Variants in PLA2G4E observed in about 807,000 individuals in gnomAD.
PLA2G4E encodes the protein phospholipase A2 group IVE, also known as cytosolic phospholipase A2 epsilon.
A neutral mutation model predicts 109.1 loss-of-function variants in PLA2G4E; 84 were observed. That is an observed-to-expected ratio of 0.77 (90% CI 0.65 to 0.92). The LOEUF (loss-of-function observed/expected upper bound fraction) is 0.92. Among genes scored for constraint, PLA2G4E ranks in the 40% least tolerant of loss-of-function variants. The pLI is 0.00. For missense variants in PLA2G4E, 1,057 were observed against 1,076.6 expected, an observed-to-expected ratio of 0.98 and a Z score of 0.25; for synonymous variants, 469 against 436.1, an observed-to-expected ratio of 1.08 and a Z score of -0.94.
intron 13 of PLA2G4E, among the ~76,000 whole-genome samples, chr15:41,991,171 A>C (rs906922773): frequency 2.0e-5 from 3 of 152,140 alleles, no homozygotes; most frequent in South Asian, 2.1e-4. Context: ...CCCAAGGGAA[A>C]GGGGCTCCTG....
intron 17 of PLA2G4E, 64 bp from the exon 18 acceptor site, chr15:41,986,069 C>T: frequency 6.6e-7 from 1 of 1,512,842 alleles, no homozygotes; most frequent in South Asian, 1.2e-5. Flanking sequence ...GACAGAGGCA[C>T]TTGGGGGGAC....
chr15:42,013,826 T>G, intron 1 of PLA2G4E, 69 bp from the exon 2 acceptor site: 1 of 1,303,666 alleles, frequency 7.7e-7, no homozygotes, highest in South Asian at 1.3e-5. Flanking sequence ...CGGGGGAGAC[T>G]TTCCCGCTAT....
At chr15:42,039,884 C>T (rs553028377) in intron 1 of PLA2G4E, among the ~76,000 whole-genome samples, 55 of 152,126 alleles carry the variant, frequency 3.6e-4, no homozygotes, top group Non-Finnish European at 7.2e-4. Context: ...TTATTTAGTA[C>T]AATAACCAAT....
chr15:41,994,820 A>T (rs1804162428), intron 12 of PLA2G4E, among the ~76,000 whole-genome samples: 1 of 152,270 alleles, frequency 6.6e-6, no homozygotes, highest in African/African-American at 2.4e-5. Flanking sequence ...TCCTGATTTT[A>T]AAAGAAATTA....
At chr15:42,050,409 C>G (rs1268131510) in intron 1 of PLA2G4E, 2 of 1,309,716 alleles carry the variant, frequency 1.5e-6, no homozygotes, top group Non-Finnish European at 2.1e-6. Flanking sequence ...AAGAAATGAA[C>G]AAAAACCACA....
At chr15:42,002,230 A>C (rs1265384108) in intron 6 of PLA2G4E, among the ~76,000 whole-genome samples, 1 of 132,258 alleles carries the variant, frequency 7.6e-6, no homozygotes, top group East Asian at 2.5e-4. Flanking sequence ...GCAGCACTGC[A>C]CTCCAGCCTG....
At chr15:41,988,052 T>A (rs2068175279) in exon 16 of PLA2G4E, 1 of 1,595,508 alleles carries the variant, frequency 6.3e-7, no homozygotes. Flanking sequence ...CACCCACCGA[T>A]GTCCTGCACT....
In PLA2G4E at chr15:42,000,995, G is replaced by T. The variant is rs112082817; in HGVS notation, c.673+162C>A. ...TACAGAGCAGGATGGGAGGCCAGGG[G>T]CTCAGGACCCCTGGGGGTGAGATGA... On this transcript the variant is annotated intron_variant, in intron 7 of 19. Coordinates refer to ENST00000399518, the Ensembl canonical transcript of PLA2G4E. Among the ~76,000 whole-genome samples, 1,107 of 152,302 alleles carry T rather than the reference G, an allele frequency of 7.3e-3. 15 individuals carry two copies. Among genetic ancestry groups the T allele is most frequent in the African/African-American group, 0.025 (1,051 of 41,562 alleles).
exon 20 of PLA2G4E, chr15:41,983,677 G>A (rs1418775897): frequency 1.5e-6 from 2 of 1,331,178 alleles, no homozygotes; most frequent in East Asian, 2.5e-5. Context: ...TGGCTGCGTA[G>A]TAACCTGGTC....
exon 20 of PLA2G4E, chr15:41,982,533 G>A (rs1032663731): frequency 2.6e-5 from 4 of 152,232 alleles, no homozygotes; most frequent in African/African-American, 9.6e-5. Context: ...ATCACATTTA[G>A]AAATAAGTAA....
intron 1 of PLA2G4E, among the ~76,000 whole-genome samples, chr15:42,040,604 T>C (rs907052499): frequency 6.6e-6 from 1 of 152,238 alleles, no homozygotes; most frequent in Non-Finnish European, 1.5e-5. Flanking sequence ...TTTGTAAAAA[T>C]GTTTACTAAA....
At chr15:41,996,657 C>CT (rs998644450) in intron 11 of PLA2G4E, among the ~76,000 whole-genome samples, 18 of 152,300 alleles carry the variant, frequency 1.2e-4, no homozygotes, top group African/African-American at 4.3e-4. Flanking sequence ...CGGTCTGGCC[C>CT]TAGGAGTGCA....
At chr15:42,013,963 C>T (rs2068564155) in intron 1 of PLA2G4E, among the ~76,000 whole-genome samples, 1 of 145,828 alleles carries the variant, frequency 6.9e-6, no homozygotes, top group Non-Finnish European at 1.5e-5. Flanking sequence ...GCGATCTCGG[C>T]TCACTGCAAC....
intron 2 of PLA2G4E, among the ~76,000 whole-genome samples, chr15:42,012,059 G>A (rs1438927471): frequency 6.6e-6 from 1 of 152,198 alleles, no homozygotes; most frequent in African/African-American, 2.4e-5. Context: ...AGCCACTCCT[G>A]CTGGCGCAGG....
intron 1 of PLA2G4E, among the ~76,000 whole-genome samples, chr15:42,031,437 G>C (rs12909234): frequency 0.48 from 72,579 of 151,990 alleles, 18,478 homozygotes; most frequent in African/African-American, 0.64. Context: ...GTCTGGGCTC[G>C]TCTAAAAATC....
chr15:41,983,921 G>A (rs1332997339), exon 20 of PLA2G4E: 3 of 1,613,134 alleles, frequency 1.9e-6, no homozygotes, highest in Non-Finnish European at 2.5e-6. Context: ...GGAGTTTTGG[G>A]ACCATAAATG....
intron 1 of PLA2G4E, among the ~76,000 whole-genome samples, chr15:42,034,525 T>C (rs1293807347): frequency 1.3e-5 from 2 of 152,196 alleles, no homozygotes; most frequent in African/African-American, 4.8e-5. Flanking sequence ...GGAGCTGTCA[T>C]CAGGGAATCA....
At chr15:42,034,408 C>T (rs1203010521) in intron 1 of PLA2G4E, among the ~76,000 whole-genome samples, 3 of 152,320 alleles carry the variant, frequency 2.0e-5, no homozygotes, top group Admixed American at 1.3e-4. Context: ...CTGAGGTTAA[C>T]GGTTGACTGT....
chr15:42,012,853 C>T (rs976420868), intron 2 of PLA2G4E, among the ~76,000 whole-genome samples: 10 of 152,234 alleles, frequency 6.6e-5, no homozygotes, highest in East Asian at 1.9e-4. Context: ...GTGTGGTTAC[C>T]GGTGAGCAGG....
Sources: allele counts gnomAD v4.1 joint callset (sites outside exome capture counted in the v4.1 genomes callset), GRCh38; gene constraint gnomAD v4.1.1; transcripts MANE v1.5; gene names NCBI Gene and HGNC (gene_info 2026-07-23, HGNC 2026-07-21).